Variants in SEPTIN9 observed in about 807,000 individuals in gnomAD.
SEPTIN9 encodes the protein septin-9.
A neutral mutation model predicts 56.6 loss-of-function variants in SEPTIN9; 13 were observed. The ratio of observed to expected loss-of-function variants is 0.23; its 90% CI spans 0.15 to 0.37. The LOEUF is 0.37. SEPTIN9 is among the 10% of genes least tolerant of loss of function. SEPTIN9 has a pLI of 1.00. For missense variants in SEPTIN9, 650 were observed against 823.1 expected, an observed-to-expected ratio of 0.79 and a Z score of 2.57; for synonymous variants, 332 against 334.1, an observed-to-expected ratio of 0.99 and a Z score of 0.07.
chr17:77,473,503 G>C (rs1462298424), intron 3 of SEPTIN9, among the ~76,000 whole-genome samples: 1 of 152,126 alleles, frequency 6.6e-6, no homozygotes, highest in Non-Finnish European at 1.5e-5. Context: ...AGAGTGCCAA[G>C]TTATTTTTTT....
At chr17:77,358,906 G>A (rs312875) in intron 2 of SEPTIN9, among the ~76,000 whole-genome samples, 3,626 of 152,116 alleles carry the variant, frequency 0.024, 134 homozygotes, top group African/African-American at 0.079. Flanking sequence ...TCGGACCCAC[G>A]TCCCAGTCCA....
rs879645823 is a variant in SEPTIN9 at position 77,499,647 on chromosome 17, T to A, written c.*989T>A. The A allele has an allele frequency of 2.8e-5, 12 of 433,610 alleles. No homozygotes were observed. Among genetic ancestry groups the A allele is most frequent in the Middle Eastern group, 6.4e-4 (1 of 1,574 alleles). The allele number at this position is 433,610 out of a possible 1,614,324, so 26.9% of individuals were successfully genotyped here. A position where few individuals can be genotyped will look rare whatever the true frequency, so the allele number is the denominator to read the frequency against. ...CCCTGCCCAAGTGACCAGGGAAGTG[T>A]GTGTGTGTCCATGTGTATGCGTGTC... On this transcript the variant is annotated 3_prime_UTR_variant, in exon 12 of 12. Coordinates refer to ENST00000427177, the MANE Select transcript of SEPTIN9 (RefSeq NM_001113491.2).
chr17:77,414,304 A>C (rs910357967), intron 3 of SEPTIN9, among the ~76,000 whole-genome samples: 2 of 151,702 alleles, frequency 1.3e-5, no homozygotes, highest in Middle Eastern at 3.2e-3. Flanking sequence ...CGAACTCCTG[A>C]CCTCAGGTGA....
chr17:77,382,885 G>A (rs2035195426), intron 2 of SEPTIN9, among the ~76,000 whole-genome samples: 1 of 151,936 alleles, frequency 6.6e-6, no homozygotes, highest in Non-Finnish European at 1.5e-5. Context: ...CCGCTGCCCT[G>A]CCTGGTTGCT....
chr17:77,390,452 C>CTT (rs1346255182), intron 2 of SEPTIN9, among the ~76,000 whole-genome samples: 52 of 115,050 alleles, frequency 4.5e-4, no homozygotes, highest in African/African-American at 1.0e-3. Flanking sequence ...GCACATTTCG[C>CTT]TTTTTTTTTT....
At chr17:77,397,427 C>T (rs1427184818) in intron 2 of SEPTIN9, among the ~76,000 whole-genome samples, 2 of 152,124 alleles carry the variant, frequency 1.3e-5, no homozygotes, top group Non-Finnish European at 2.9e-5. Context: ...AGTCTCATCC[C>T]GGGATCCCTA....
rs974023757 is a variant in SEPTIN9, at chr17:77,498,964, G to T, written c.*306G>T. On this transcript the variant is annotated 3_prime_UTR_variant, in exon 12 of 12. Transcript: ENST00000427177. ...CCCGAGGGCTCAGAAGAGCAGCTTC[G>T]GTGTGCAGATCATCCGTCTGTGTGG... 9 of 549,508 alleles carry T rather than the reference G, an allele frequency of 1.6e-5. No homozygotes were observed. The African/African-American group carries it at 1.7e-4, about 10-fold the overall frequency. The allele number at this position is 549,508 out of a possible 1,614,324, so 34.0% of individuals were successfully genotyped here. A position where few individuals can be genotyped will look rare whatever the true frequency, so the allele number is the denominator to read the frequency against.
At chr17:77,461,352 C>T (rs1187938410) in intron 3 of SEPTIN9, among the ~76,000 whole-genome samples, 1 of 152,052 alleles carries the variant, frequency 6.6e-6, no homozygotes, top group Non-Finnish European at 1.5e-5. Context: ...ATGGGGGGAC[C>T]TCTGTGTCCA....
intron 3 of SEPTIN9, among the ~76,000 whole-genome samples, chr17:77,426,297 C>T (rs1275780849): frequency 1.3e-5 from 2 of 152,094 alleles, no homozygotes; most frequent in Admixed American, 1.3e-4. Flanking sequence ...CAGCACACCT[C>T]CCCCAGGAGT....
intron 3 of SEPTIN9, among the ~76,000 whole-genome samples, chr17:77,413,058 G>A (rs1333602684): frequency 1.3e-5 from 2 of 151,552 alleles, no homozygotes; most frequent in African/African-American, 4.9e-5. Flanking sequence ...TGGATACACA[G>A]CAGCGAGCTT....
rs1568059452 is a variant in SEPTIN9 at position 77,425,785 on chromosome 17, T to G, written c.721+23082T>G. ...CTCCCAGCCAGCAGAGTTTTACCTG[T>G]GTGCTTAGAATCTGTGCGTGGAGCC... On this transcript the variant is annotated intron_variant, in intron 3 of 11. Transcript: ENST00000427177. The surrounding 1 kb of genome is among the most constrained non-coding windows in gnomAD (Gnocchi z 4.2). Among the ~76,000 whole-genome samples, 1 of 149,114 alleles carries G rather than the reference T, an allele frequency of 6.7e-6. No homozygotes were observed. Among genetic ancestry groups the G allele is most frequent in the Non-Finnish European group, 1.5e-5 (1 of 67,470 alleles).
At position 77,315,327 on chromosome 17, in the gene SEPTIN9, G is replaced by A. The variant is rs180884269; in HGVS notation, c.76+8130G>A. On this transcript the variant is annotated intron_variant, in intron 2 of 11. Coordinates refer to ENST00000427177, the MANE Select transcript of SEPTIN9 (RefSeq NM_001113491.2). ...TTTTGAGATGGAATCTCGCGCTGTC[G>A]CCCAGGCTGGAGTGCAGTGGCGTGA... Among the ~76,000 whole-genome samples the A allele has an allele frequency of 3.9e-3, 592 of 150,094 alleles. 4 individuals carry two copies. Among genetic ancestry groups the A allele is most frequent in the African/African-American group, 0.014 (554 of 40,508 alleles).
chr17:77,417,470 G>A (rs1182246573), intron 3 of SEPTIN9, among the ~76,000 whole-genome samples: 2 of 152,206 alleles, frequency 1.3e-5, no homozygotes, highest in African/African-American at 4.8e-5. Context: ...AGATCCTTGT[G>A]ACTCTGGAAC....
chr17:77,373,481 G>C (rs1289284681), intron 2 of SEPTIN9: 1 of 1,526,180 alleles, frequency 6.6e-7, no homozygotes, highest in Admixed American at 2.0e-5. Flanking sequence ...CGCGCGACCC[G>C]CTGCCCACCA....
chr17:77,388,550 G>A (rs2035419296), intron 2 of SEPTIN9, among the ~76,000 whole-genome samples: 1 of 152,176 alleles, frequency 6.6e-6, no homozygotes, highest in Non-Finnish European at 1.5e-5. Flanking sequence ...CCAGCTTGGC[G>A]CGCTTTGGAT....
intron 1 of SEPTIN9, among the ~76,000 whole-genome samples, chr17:77,283,055 A>G (rs2031105038): frequency 6.6e-6 from 1 of 151,948 alleles, no homozygotes; most frequent in Non-Finnish European, 1.5e-5. Context: ...GCCCTGAGGC[A>G]GGCTTGGAGT....
chr17:77,462,171 A>G (rs1199610771), intron 3 of SEPTIN9, among the ~76,000 whole-genome samples: 1 of 152,330 alleles, frequency 6.6e-6, no homozygotes, highest in Admixed American at 6.5e-5. Flanking sequence ...ATAACAATTC[A>G]AGTAAGTTTT....
At chr17:77,482,041 G>C in intron 3 of SEPTIN9, 103 bp from the exon 4 acceptor site, 1 of 1,140,012 alleles carries the variant, frequency 8.8e-7, no homozygotes, top group South Asian at 1.6e-5. Flanking sequence ...CTGAGCCTCA[G>C]TGCCTCAGTT....
In SEPTIN9 at chr17:77,310,046, T is replaced by G. The variant is rs867538686; in HGVS notation, c.76+2849T>G. Reference sequence around the variant, plus strand: ...CAGGCTGGAGTGCAGTGGCACCATCTCGGCTCACTGCAACCTCTGCCTCCT... The same window carrying G: ...CAGGCTGGAGTGCAGTGGCACCATCGCGGCTCACTGCAACCTCTGCCTCCT... On this transcript the variant is annotated intron_variant, in intron 2 of 11. Transcript: ENST00000427177. This position sits in a 1 kb window ranked among gnomAD's most constrained non-coding sequence, Gnocchi z 4.7. Among the ~76,000 whole-genome samples, 20 of 151,972 alleles carry G rather than the reference T, an allele frequency of 1.3e-4. No homozygotes were observed. Among genetic ancestry groups the G allele is most frequent in the Middle Eastern group, 6.8e-3 (2 of 294 alleles).
Sources: allele counts gnomAD v4.1 joint callset (sites outside exome capture counted in the v4.1 genomes callset), GRCh38; gene constraint gnomAD v4.1.1; non-coding constraint Gnocchi (gnomAD v3.1); transcripts MANE v1.5; gene names NCBI Gene and HGNC (gene_info 2026-07-23, HGNC 2026-07-21).